DLGAP4: variants seen among roughly 807,000 people sequenced by gnomAD.
DLGAP4 encodes the protein disks large-associated protein 4.
A neutral mutation model predicts 86.9 loss-of-function variants in DLGAP4; 18 were observed. The observed-to-expected ratio is 0.21, with a 90% CI of 0.14 to 0.31. The LOEUF (loss-of-function observed/expected upper bound fraction) is 0.31, where lower values mean the gene tolerates loss of function less well. Ranked by LOEUF, DLGAP4 falls within the 10% of genes least tolerant of loss-of-function variation. DLGAP4 has a pLI of 1.00. For synonymous variants in DLGAP4, 548 were observed against 574.3 expected, an observed-to-expected ratio of 0.95 and a Z score of 0.65; for missense variants, 1,085 against 1,362.6, an observed-to-expected ratio of 0.80 and a Z score of 3.21.
Position 36,368,178 on chromosome 20 carries a change from C to G in DLGAP4, c.-73+903C>G, listed in dbSNP as rs112641526. The stretch of plus-strand genomic sequence containing the variant: ...GAGAGAAGAAGGGAAACCTCTCTTA[C>G]CTCCCTCCACCCAGACACCAGCAGG... On this transcript the variant is annotated intron_variant, in intron 2 of 12. Transcript: ENST00000339266. 3.2e-3 allele frequency among the ~76,000 whole-genome samples: 490 copies of G among 152,348 alleles called. 3 individuals carry two copies. Among genetic ancestry groups the G allele is most frequent in the African/African-American group, 0.011 (478 of 41,580 alleles).
At chr20:36,361,660 G>A (rs1453550281) in intron 1 of DLGAP4, among the ~76,000 whole-genome samples, 1 of 152,074 alleles carries the variant, frequency 6.6e-6, no homozygotes, top group African/African-American at 2.4e-5. Context: ...TTTGAGGGAT[G>A]TATAGGAGGT....
At chr20:36,485,197 G>A (rs2035356569) in intron 7 of DLGAP4, among the ~76,000 whole-genome samples, 2 of 151,958 alleles carry the variant, frequency 1.3e-5, no homozygotes, top group South Asian at 2.1e-4. Flanking sequence ...ACCAGCTTGG[G>A]CAACAAAGAC....
chr20:36,356,255 A>G (rs553449410), intron 1 of DLGAP4, among the ~76,000 whole-genome samples: 48 of 152,316 alleles, frequency 3.2e-4, no homozygotes, highest in African/African-American at 1.1e-3. Flanking sequence ...GGATCAATCA[A>G]TTCACTTTAT....
intron 2 of DLGAP4, among the ~76,000 whole-genome samples, chr20:36,411,424 C>T (rs1019027263): frequency 6.6e-6 from 1 of 152,158 alleles, no homozygotes; most frequent in Non-Finnish European, 1.5e-5. Flanking sequence ...ACACTCAGTG[C>T]CACCTTATTC....
At chr20:36,445,609 G>A (rs986155418) in intron 6 of DLGAP4, among the ~76,000 whole-genome samples, 2 of 152,216 alleles carry the variant, frequency 1.3e-5, no homozygotes, top group African/African-American at 4.8e-5. Flanking sequence ...GAGAATGCGA[G>A]CACCTATTTC....
chr20:36,449,681 C>T (rs144172746), intron 7 of DLGAP4, among the ~76,000 whole-genome samples: 2 of 152,330 alleles, frequency 1.3e-5, no homozygotes, highest in East Asian at 3.9e-4. Flanking sequence ...GAGGGATAGA[C>T]AGCACCCCTA....
Position 36,431,628 on chromosome 20 carries a change from T to G in DLGAP4, c.-72-18T>G. ...AATCCAGCTGACCAGCTGACCGCTT[T>G]CTGTCTTCTCTCCCTAGGATAGCTG... On this transcript the variant is annotated intron_variant, in intron 2 of 12. Transcript: ENST00000339266. The surrounding 1 kb of genome is among the most constrained non-coding windows in gnomAD (Gnocchi z 5.1). 1 of 1,437,546 alleles carries G rather than the reference T, an allele frequency of 7.0e-7. No homozygotes were observed. Among genetic ancestry groups the G allele is most frequent in the Non-Finnish European group, 9.3e-7 (1 of 1,075,454 alleles). The allele number at this position is 1,437,546 out of a possible 1,614,324, so 89.0% of individuals were successfully genotyped here.
At chr20:36,348,562 G>A (rs1555893208) in intron 1 of DLGAP4, among the ~76,000 whole-genome samples, 1 of 151,984 alleles carries the variant, frequency 6.6e-6, no homozygotes, top group Non-Finnish European at 1.5e-5. Flanking sequence ...GGGATTACAG[G>A]TGTGTGCCAC....
At chr20:36,326,116 G>A (rs573723590) in intron 1 of DLGAP4, among the ~76,000 whole-genome samples, 9 of 152,164 alleles carry the variant, frequency 5.9e-5, no homozygotes, top group African/African-American at 1.9e-4. Flanking sequence ...GTACCTGTTC[G>A]TGTTTTTATA....
rs778012709 is a variant in DLGAP4 at position 36,462,568 on chromosome 20, C to T, written c.1648+15631C>T. The T allele has an allele frequency of 6.9e-6, 11 of 1,601,718 alleles. No individual in the cohort carries two copies. The Admixed American group carries it at 1.7e-4, about 25-fold the overall frequency. ...GGGTCTCTGACCCCCATCCGGCCCT[C>T]ATGGCTTTGTGTCTGGAGCTCTTGA... is the stretch of plus-strand genomic sequence containing the variant. On this transcript the variant is annotated intron_variant, in intron 7 of 12. Transcript: ENST00000339266.
At chr20:36,427,850 C>G (rs1400017437) in intron 2 of DLGAP4, among the ~76,000 whole-genome samples, 2 of 149,660 alleles carry the variant, frequency 1.3e-5, no homozygotes, top group South Asian at 4.2e-4. Context: ...GGCTGAGGCA[C>G]GAGAATCGCT....
intron 10 of DLGAP4, among the ~76,000 whole-genome samples, chr20:36,521,775 C>T (rs6025059): frequency 0.012 from 1,836 of 152,294 alleles, 47 homozygotes; most frequent in African/African-American, 0.042. Context: ...CTGCTTTGAG[C>T]TCTTTTACAT....
intron 2 of DLGAP4, among the ~76,000 whole-genome samples, chr20:36,414,656 G>A (rs1219610216): frequency 6.6e-6 from 1 of 152,128 alleles, no homozygotes; most frequent in Non-Finnish European, 1.5e-5. Flanking sequence ...AGACATGAGA[G>A]GTTTGGTGCT....
chr20:36,383,486 G>A (rs982537116), intron 2 of DLGAP4, among the ~76,000 whole-genome samples: 5 of 151,808 alleles, frequency 3.3e-5, no homozygotes, highest in Non-Finnish European at 5.9e-5. Flanking sequence ...TCCAGTGACC[G>A]TCCCTGCTTG....
At chr20:36,409,460 T>C (rs1469717596) in intron 2 of DLGAP4, among the ~76,000 whole-genome samples, 1 of 149,726 alleles carries the variant, frequency 6.7e-6, no homozygotes, top group East Asian at 1.9e-4. Context: ...CTGTGTGCAG[T>C]GTCTCATACC....
At chr20:36,463,967 T>A (rs2034220997) in intron 7 of DLGAP4, among the ~76,000 whole-genome samples, 2 of 152,328 alleles carry the variant, frequency 1.3e-5, no homozygotes, top group South Asian at 4.1e-4. Flanking sequence ...TCCTGTTCCA[T>A]GGCACTGCCT....
At chr20:36,517,707 GTTGAATCAGTCTT>G (rs1280332166) in intron 10 of DLGAP4, among the ~76,000 whole-genome samples, 4 of 152,056 alleles carry the variant, frequency 2.6e-5, no homozygotes, top group African/African-American at 9.7e-5. Context: ...AATTGTCAAT[GTTGAATCAGTCTT>G]GCATTCTCAG....
In DLGAP4 at chr20:36,365,686, G is replaced by T. The variant is rs150940777; in HGVS notation, c.-303-1359G>T. Among the ~76,000 whole-genome samples, 372 of 152,316 alleles carry T rather than the reference G, an allele frequency of 2.4e-3. 1 individual carries two copies. Among genetic ancestry groups the T allele is most frequent in the Middle Eastern group, 0.01 (3 of 294 alleles). On this transcript the variant is annotated intron_variant, in intron 1 of 12. Transcript: ENST00000339266. The stretch of plus-strand genomic sequence containing the variant: ...GGAAATGAGGTAAAGCCTGTTACAG[G>T]TTTGGCACTGAGTAGATTCTGGAGG...
intron 2 of DLGAP4, among the ~76,000 whole-genome samples, chr20:36,416,099 A>C (rs1452691561): frequency 1.3e-5 from 2 of 152,066 alleles, no homozygotes; most frequent in Non-Finnish European, 2.9e-5. Context: ...TTCATTATCT[A>C]AGCCATGACT....
Sources: allele counts gnomAD v4.1 joint callset (sites outside exome capture counted in the v4.1 genomes callset), GRCh38; gene constraint gnomAD v4.1.1; non-coding constraint Gnocchi (gnomAD v3.1); transcripts MANE v1.5; gene names NCBI Gene and HGNC (gene_info 2026-07-23, HGNC 2026-07-21).